The following LRRC4B variants were observed in gnomAD, a reference collection of about 807,000 sequenced individuals.
LRRC4B encodes the protein leucine-rich repeat-containing protein 4B.
A neutral mutation model predicts 7.3 loss-of-function variants in LRRC4B; 1 was observed. The ratio of observed to expected loss-of-function variants is 0.14; its 90% CI spans 0.05 to 0.65. The LOEUF is 0.65. Ranked by LOEUF, LRRC4B falls within the 30% of genes least tolerant of loss-of-function variation. The pLI, the probability that LRRC4B is intolerant of heterozygous loss-of-function variation, is 0.84. For synonymous variants in LRRC4B, 500 were observed against 499.2 expected (o/e 1.00, Z -0.02); for missense variants, 730 against 1,041.6 (o/e 0.70, Z 4.12).
intron 2 of LRRC4B, among the ~76,000 whole-genome samples, chr19:50,543,901 G>T (rs1981675479): frequency 6.6e-6 from 1 of 151,002 alleles, no homozygotes; most frequent in Admixed American, 6.6e-5. Flanking sequence ...AAAAAGAAGG[G>T]CCTGGTTAAA....
At chr19:50,531,076 G>A (rs1282154956) in intron 2 of LRRC4B, among the ~76,000 whole-genome samples, 2 of 152,168 alleles carry the variant, frequency 1.3e-5, no homozygotes, top group Non-Finnish European at 2.9e-5. Context: ...AAAGAAGATG[G>A]CTCAGCGAGG....
chr19:50,531,235 G>A (rs1376941981), intron 2 of LRRC4B, among the ~76,000 whole-genome samples: 3 of 152,224 alleles, frequency 2.0e-5, no homozygotes, highest in Non-Finnish European at 2.9e-5. Context: ...AGCATCACAC[G>A]TCATTTCAGA....
At chr19:50,551,785 T>C (rs926283465) in intron 1 of LRRC4B, among the ~76,000 whole-genome samples, 5 of 151,716 alleles carry the variant, frequency 3.3e-5, no homozygotes, top group Non-Finnish European at 5.9e-5. Flanking sequence ...CGGCTCTGTC[T>C]GTCTCTCTCT....
chr19:50,538,831 AGTGCTGGGATTACAGGTGTGAGCCACC>A (rs542777029), intron 2 of LRRC4B, among the ~76,000 whole-genome samples: 143 of 150,642 alleles, frequency 9.5e-4, no homozygotes, highest in Middle Eastern at 7.0e-3. Context: ...GGCCTCCCAA[AGTGCTGGGATTACAGGTGTGAGCCACC>A]GTGCTGGGAT....
At chr19:50,566,775 C>T (rs748917) in intron 1 of LRRC4B, among the ~76,000 whole-genome samples, 115,186 of 147,578 alleles carry the variant, frequency 0.78, 46,105 homozygotes, top group Non-Finnish European at 0.88. Flanking sequence ...GGGTCTGAGA[C>T]TGGGGAGTAC....
chr19:50,541,892 G>A (rs565952684), intron 2 of LRRC4B, among the ~76,000 whole-genome samples: 4 of 152,166 alleles, frequency 2.6e-5, no homozygotes, highest in Non-Finnish European at 5.9e-5. Context: ...AGCAGTGGGG[G>A]ACTTGGCAGA....
intron 1 of LRRC4B, 100 bp downstream of exon 1, chr19:50,567,844 T>A (rs1392557039): frequency 1.0e-5 from 1 of 97,726 alleles, no homozygotes; most frequent in Non-Finnish European, 1.9e-5. Flanking sequence ...GGAGGAGGCC[T>A]AAGACCACTG....
chr19:50,531,003 C>A (rs912592496), intron 2 of LRRC4B, among the ~76,000 whole-genome samples: 55 of 151,944 alleles, frequency 3.6e-4, no homozygotes, highest in Non-Finnish European at 5.9e-5. Flanking sequence ...CTGCCTTGGC[C>A]TCTCAAAGTG....
chr19:50,567,431 A>C (rs1346778012), intron 1 of LRRC4B, among the ~76,000 whole-genome samples: 2 of 150,962 alleles, frequency 1.3e-5, no homozygotes, highest in African/African-American at 4.9e-5. Context: ...CCCGGTTGCC[A>C]CGGCAACCGC....
In LRRC4B at chr19:50,542,097, C is replaced by T. The variant is rs545956708; in HGVS notation, c.297+6445G>A. Among the ~76,000 whole-genome samples, 9 of 152,338 alleles carry T rather than the reference C, an allele frequency of 5.9e-5. No individual in the cohort carries two copies. In the East Asian group the frequency reaches 1.2e-3, roughly 20 times the overall value. On this transcript the variant is annotated intron_variant, in intron 2 of 2. Transcript: ENST00000652263. ...CAACAATACCCATTTTGCAAGAACA[C>T]ACACAAGCAAAAAATCCACAGTAAA...
chr19:50,519,042 T>G lies in LRRC4B; in HGVS notation c.671A>C (p.Asn224Thr), dbSNP rs1030936995. ...CTCCAGGCGCACCAGGGCCGTCAGG[T>G]TGGGGATGTCCTTGAGGTTGCACAT... The part of the protein sequence containing the change: ...LGMCNLKDIP[N>T]LTALVRLEEL... Residue 224 changes from asparagine (N) to threonine (T), a missense_variant, in exon 3 of 3, where the codon AAC (asparagine) becomes ACC (threonine). Physicochemically the swap from Asn to Thr is moderately conservative, Grantham distance 65. Around this residue, in one of 6 missense-constraint regions of LRRC4B, gnomAD observed 226 missense variants for 448.0 expected, o/e 0.50. Coordinates refer to ENST00000652263, the MANE Select transcript of LRRC4B (RefSeq NM_001080457.2). The surrounding 1 kb of genome is among the most constrained non-coding windows in gnomAD (Gnocchi z 8.1). 6.2e-7 allele frequency: 1 copy of G among 1,610,470 alleles called. No individual in the cohort carries two copies. The highest frequency in any genetic ancestry group is 1.1e-5 in the South Asian group (1 of 91,054).
At chr19:50,565,051 C>T (rs1982584299) in intron 1 of LRRC4B, among the ~76,000 whole-genome samples, 1 of 152,192 alleles carries the variant, frequency 6.6e-6, no homozygotes, top group Non-Finnish European at 1.5e-5. Context: ...GCGAGGAGGT[C>T]CCTGAGGAGC....
intron 2 of LRRC4B, among the ~76,000 whole-genome samples, chr19:50,541,339 T>C (rs942685326): frequency 1.2e-4 from 16 of 134,424 alleles, no homozygotes; most frequent in Admixed American, 9.4e-4. Context: ...CACTCCAGCC[T>C]GGTGACAGAG....
intron 1 of LRRC4B, among the ~76,000 whole-genome samples, chr19:50,566,000 C>G (rs893131141): frequency 6.6e-6 from 1 of 152,182 alleles, no homozygotes; most frequent in African/African-American, 2.4e-5. Context: ...CGCCTTTCGG[C>G]GGCTTCACTC....
At chr19:50,533,109 T>C (rs188520889) in intron 2 of LRRC4B, among the ~76,000 whole-genome samples, 5 of 152,318 alleles carry the variant, frequency 3.3e-5, no homozygotes, top group Admixed American at 3.3e-4. Flanking sequence ...GTCTTTCGAT[T>C]TTAAGTCAGT....
chr19:50,546,325 ACT>A (rs1981802660), intron 2 of LRRC4B, among the ~76,000 whole-genome samples: 2 of 151,422 alleles, frequency 1.3e-5, no homozygotes, highest in African/African-American at 4.8e-5. Context: ...ACAGAGCGAG[ACT>A]CTGTCTCAAA....
chr19:50,562,172 A>T (rs1336061637), intron 1 of LRRC4B, among the ~76,000 whole-genome samples: 1 of 151,492 alleles, frequency 6.6e-6, no homozygotes, highest in African/African-American at 2.4e-5. Context: ...GGACCAGTGC[A>T]TTCTCCTCTC....
chr19:50,517,615 A>G lies in LRRC4B; in HGVS notation c.2098T>C (p.Phe700Leu). Residue 700 changes from phenylalanine (F) to leucine (L), a missense_variant, in exon 3 of 3, where the codon TTC becomes CTC. This residue lies in a region of LRRC4B where 160 missense variants were observed against 163.9 expected (regional missense o/e 0.98). Coordinates refer to ENST00000652263, the MANE Select transcript of LRRC4B (RefSeq NM_001080457.2). This position sits in a 1 kb window ranked among gnomAD's most constrained non-coding sequence, Gnocchi z 6.6. ...GLNSIHEPLL[F>L]KSGSKENVQE... ...ACGTTCTCCTTGGAGCCGCTCTTGA[A>G]GAGCAGAGGTTCGTGGATGGAGTTG... 1 of 1,470,964 alleles carries G rather than the reference A, an allele frequency of 6.8e-7. No homozygotes were observed. The highest frequency in any genetic ancestry group is 9.0e-7 in the Non-Finnish European group (1 of 1,112,694). The allele number at this position is 1,470,964 out of a possible 1,614,324, so 91.1% of individuals were successfully genotyped here. A position where few individuals can be genotyped will look rare whatever the true frequency, so the allele number is the denominator to read the frequency against.
At chr19:50,549,465 C>T (rs1162072131) in intron 1 of LRRC4B, among the ~76,000 whole-genome samples, 4 of 152,188 alleles carry the variant, frequency 2.6e-5, no homozygotes, top group Admixed American at 6.5e-5. Flanking sequence ...TCCCCCACCC[C>T]CTGTGCCCTC....
Sources: allele counts gnomAD v4.1 joint callset (sites outside exome capture counted in the v4.1 genomes callset), GRCh38; gene constraint gnomAD v4.1.1; regional missense constraint gnomAD v4.1.1; non-coding constraint Gnocchi (gnomAD v3.1); transcripts MANE v1.5; gene names NCBI Gene and HGNC (gene_info 2026-07-23, HGNC 2026-07-21).